The following SYTL2 variants were observed in gnomAD, a reference collection of about 807,000 sequenced individuals.
SYTL2 encodes synaptotagmin-like protein 2.
A neutral mutation model predicts 198.7 loss-of-function variants in SYTL2; 165 were observed. The observed-to-expected ratio is 0.83, with a 90% CI of 0.73 to 0.94. The LOEUF (loss-of-function observed/expected upper bound fraction) is 0.94. Among genes scored for constraint, SYTL2 ranks in the 40% least tolerant of loss-of-function variants. The pLI is 0.00. For missense variants in SYTL2, 2,835 were observed against 2,582.8 expected (o/e 1.10, Z -2.12); for synonymous variants, 966 against 917.7 (o/e 1.05, Z -0.95).
rs1292589838 is a variant in SYTL2 at position 85,695,295 on chromosome 11, T to C, written c.6620A>G (p.Glu2207Gly). The C allele has an allele frequency of 6.2e-7, 1 of 1,612,708 alleles. No individual in the cohort carries two copies. Among genetic ancestry groups the C allele is most frequent in the Non-Finnish European group, 8.5e-7 (1 of 1,178,974 alleles). Residue 2207 changes from glutamate (E) to glycine (G), a missense_variant, in exon 20 of 20, where the codon GAG becomes GGG. Coordinates refer to ENST00000359152, the MANE Select transcript of SYTL2 (RefSeq NM_206927.4). ...TEVDWMDSTS[E>G]EVALWEKMVN... Reference sequence around the variant, plus strand: ...CATCTTCTCCCAGAGAGCAACTTCCTCTGAAGTAGAGTCCATCCAGTCCAC... The same window carrying C: ...CATCTTCTCCCAGAGAGCAACTTCCCCTGAAGTAGAGTCCATCCAGTCCAC...
At chr11:85,745,813 C>T (rs957403142) in intron 3 of SYTL2, 41 bp from the exon 4 acceptor site, 1 of 1,576,086 alleles carries the variant, frequency 6.3e-7, no homozygotes, top group Middle Eastern at 1.7e-4. Flanking sequence ...TTATCTCTCA[C>T]CTCCATGACC....
intron 1 of SYTL2, among the ~76,000 whole-genome samples, chr11:85,801,268 T>C (rs559671741): frequency 6.6e-6 from 1 of 152,156 alleles, no homozygotes; most frequent in Non-Finnish European, 1.5e-5. Context: ...ATTTTGGAAA[T>C]ACAAAAAGGG....
the SYTL2 span, among the ~76,000 whole-genome samples, chr11:85,849,468 T>C: frequency 6.6e-6 from 1 of 152,210 alleles, no homozygotes; most frequent in Non-Finnish European, 1.5e-5. Context: ...GATTTTTGTA[T>C]AAGGTGTAAG....
chr11:85,842,267 T>C, the SYTL2 span, among the ~76,000 whole-genome samples: 6 of 152,180 alleles, frequency 3.9e-5, no homozygotes, highest in Non-Finnish European at 7.3e-5. Flanking sequence ...TGTAAGCACC[T>C]CAATACTCAG....
chr11:85,759,493 A>C (rs913106171), intron 1 of SYTL2, among the ~76,000 whole-genome samples: 1 of 150,468 alleles, frequency 6.6e-6, no homozygotes, highest in African/African-American at 2.4e-5. Flanking sequence ...AAATGAAATA[A>C]TGAATATAAA....
At position 85,724,441 on chromosome 11, in the gene SYTL2, C is replaced by A; in HGVS notation, c.4917G>T (p.Leu1639Phe). ...ESQVNQCDKM[L>F]GGDALVTDLL... is the part of the protein sequence containing the mutation. ...AATCAGTCACAAGTGCGTCTCCTCC[C>A]AACATTTTATCACATTGGTTGACTT... is the stretch of plus-strand genomic sequence containing the variant. Residue 1639 changes from leucine (L) to phenylalanine (F), a missense_variant, in exon 8 of 20, where the codon TTG becomes TTT. Leu to Phe is a conservative substitution (Grantham distance 22). Around this residue, in one of 3 missense-constraint regions of SYTL2, gnomAD observed 2,645 missense variants for 2,381.7 expected, o/e 1.11. Coordinates refer to ENST00000359152, the MANE Select transcript of SYTL2 (RefSeq NM_206927.4). 1 of 1,611,398 alleles carries A rather than the reference C, an allele frequency of 6.2e-7. No homozygotes were observed. The highest frequency in any genetic ancestry group is 8.5e-7 in the Non-Finnish European group (1 of 1,179,162).
At chr11:85,776,396 C>T (rs570881844) in intron 1 of SYTL2, among the ~76,000 whole-genome samples, 12 of 152,302 alleles carry the variant, frequency 7.9e-5, no homozygotes, top group Admixed American at 6.5e-4. Context: ...TTATCCCTCC[C>T]CTAGCCTCCC....
chr11:85,829,183 G>T, the SYTL2 span, among the ~76,000 whole-genome samples: 1 of 152,132 alleles, frequency 6.6e-6, no homozygotes. Context: ...TGGGTCACCA[G>T]TTAGTAAGCA....
At chr11:85,767,659 G>A (rs1437965130) in intron 1 of SYTL2, among the ~76,000 whole-genome samples, 2 of 152,052 alleles carry the variant, frequency 1.3e-5, no homozygotes, top group Non-Finnish European at 2.9e-5. Flanking sequence ...TACCAACTTG[G>A]GGGTTCCAAA....
At chr11:85,696,801 T>A (rs945221345) in intron 18 of SYTL2, among the ~76,000 whole-genome samples, 1 of 152,226 alleles carries the variant, frequency 6.6e-6, no homozygotes, top group Non-Finnish European at 1.5e-5. Flanking sequence ...ATTTGAGGAT[T>A]CCTTTAAAAT....
At position 85,727,858 on chromosome 11, in the gene SYTL2, T is replaced by C. The variant is rs376878085; in HGVS notation, c.1500A>G (p.Thr500=). 2.5e-6 allele frequency: 4 copies of C among 1,612,420 alleles called. No individual in the cohort carries two copies. The highest frequency in any genetic ancestry group is 1.7e-6 in the Non-Finnish European group (2 of 1,179,500). Residue 500 remains threonine (T), a synonymous_variant, in exon 8 of 20, where the codon ACA becomes ACG. Transcript: ENST00000359152. ...PPPLPALKAK[T]SSRSGPYATE... is the part of the protein sequence containing the mutation. ...TGGCATATGGACCAGAACGTGAAGA[T>C]GTCTTAGCTTTTAGAGCCGGGAGAG...
At chr11:85,812,062 G>T (rs957173297), upstream of SYTL2, among the ~76,000 whole-genome samples, 6 of 152,130 alleles carry the variant, frequency 3.9e-5, no homozygotes, top group Non-Finnish European at 7.4e-5. Context: ...AGCCAAGATC[G>T]CACCACTGCA....
chr11:85,795,019 C>T (rs987560733), intron 1 of SYTL2, among the ~76,000 whole-genome samples: 1 of 151,852 alleles, frequency 6.6e-6, no homozygotes, highest in Non-Finnish European at 1.5e-5. Flanking sequence ...AAGTATTGCC[C>T]ACTGTGTGGC....
intron 1 of SYTL2, among the ~76,000 whole-genome samples, chr11:85,776,064 T>C (rs1447589286): frequency 1.3e-5 from 2 of 152,214 alleles, no homozygotes; most frequent in Non-Finnish European, 2.9e-5. Flanking sequence ...CTCACTCTAT[T>C]AGTTCCCTTG....
intron 6 of SYTL2, among the ~76,000 whole-genome samples, chr11:85,735,451 A>AT (rs1007798623): frequency 1.3e-5 from 2 of 152,156 alleles, no homozygotes; most frequent in Non-Finnish European, 2.9e-5. Context: ...CACAAAATTT[A>AT]TTTTTGTCAG....
chr11:85,758,531 C>T (rs1310202644), intron 1 of SYTL2, among the ~76,000 whole-genome samples: 1 of 152,180 alleles, frequency 6.6e-6, no homozygotes, highest in African/African-American at 2.4e-5. Context: ...TTCCACTGTA[C>T]TATATATGTG....
chr11:85,734,897 T>C (rs1318139531), intron 6 of SYTL2, among the ~76,000 whole-genome samples, 155 bp from the exon 7 acceptor site: 1 of 152,242 alleles, frequency 6.6e-6, no homozygotes. Context: ...TGAAAAGCTT[T>C]TAAAAATTCA....
At position 85,697,963 on chromosome 11, in the gene SYTL2, T is replaced by C; in HGVS notation, c.6368+16A>G. ...GGCTACAGAACTGTTGCAGACAGAG[T>C]CATCAATACTATTACCATTTAACAA... On this transcript the variant is annotated intron_variant, in intron 18 of 19. Coordinates refer to ENST00000359152, the MANE Select transcript of SYTL2 (RefSeq NM_206927.4). 2 of 1,544,640 alleles carry C rather than the reference T, an allele frequency of 1.3e-6. No homozygotes were observed. The highest frequency in any genetic ancestry group is 1.8e-6 in the Non-Finnish European group (2 of 1,117,948).
At chr11:85,831,972 G>C in the SYTL2 span, among the ~76,000 whole-genome samples, 1 of 145,188 alleles carries the variant, frequency 6.9e-6, no homozygotes. Context: ...TTTTAAGTCT[G>C]TATCACTTTT....
Sources: allele counts gnomAD v4.1 joint callset (sites outside exome capture counted in the v4.1 genomes callset), GRCh38; gene constraint gnomAD v4.1.1; regional missense constraint gnomAD v4.1.1; transcripts MANE v1.5; gene names NCBI Gene and HGNC (gene_info 2026-07-23, HGNC 2026-07-21).